FAM185A: variants seen among roughly 807,000 people sequenced by gnomAD.
FAM185A encodes the protein family with sequence similarity 185 member A.
FAM185A carries 21 observed loss-of-function variants against 45.7 expected under a neutral mutation model. The observed-to-expected ratio is 0.46, with a 90% CI of 0.33 to 0.66. The LOEUF is 0.66. FAM185A is among the 30% of genes least tolerant of loss of function. The pLI is 0.03. For synonymous variants in FAM185A, 117 were observed against 194.0 expected (o/e 0.60, Z 3.30); for missense variants, 305 against 485.4 (o/e 0.63, Z 3.49).
chr7:102,800,323 A>C (rs1257833621), intron 7 of FAM185A, among the ~76,000 whole-genome samples: 1 of 152,214 alleles, frequency 6.6e-6, no homozygotes, highest in Non-Finnish European at 1.5e-5. Context: ...TGGTTTTCTG[A>C]CAAAACAAGG....
At chr7:102,788,065 A>G (rs1345817883) in intron 7 of FAM185A, among the ~76,000 whole-genome samples, 2 of 152,082 alleles carry the variant, frequency 1.3e-5, no homozygotes, top group African/African-American at 2.4e-5. Context: ...CCCGGGTTCA[A>G]ACGATTCTGT....
At chr7:102,771,766 C>G (rs1161739576) in intron 4 of FAM185A, among the ~76,000 whole-genome samples, 1 of 152,096 alleles carries the variant, frequency 6.6e-6, no homozygotes, top group Non-Finnish European at 1.5e-5. Context: ...AAGAATAATC[C>G]TACTACTTTT....
chr7:102,815,157 T>C, the FAM185A span, among the ~76,000 whole-genome samples: 1 of 152,172 alleles, frequency 6.6e-6, no homozygotes, highest in African/African-American at 2.4e-5. Context: ...TTATCCATTT[T>C]TCAAAACTCC....
chr7:102,816,608 C>G, the FAM185A span, among the ~76,000 whole-genome samples: 6 of 152,140 alleles, frequency 3.9e-5, no homozygotes, highest in African/African-American at 1.4e-4. Context: ...TGTTTGCACA[C>G]ACGCACCTTT....
chr7:102,781,975 T>C (rs1050672142), intron 6 of FAM185A, among the ~76,000 whole-genome samples: 5 of 152,202 alleles, frequency 3.3e-5, no homozygotes, highest in Admixed American at 2.6e-4. Context: ...CTGATGGAGC[T>C]GAAAACCAAG....
intron 1 of FAM185A, among the ~76,000 whole-genome samples, chr7:102,750,395 TC>T (rs1441254332): frequency 6.6e-6 from 1 of 152,228 alleles, no homozygotes; most frequent in African/African-American, 2.4e-5. Context: ...TTTAAGATCA[TC>T]TTTTATAATG....
At chr7:102,848,922 C>T in the FAM185A span, among the ~76,000 whole-genome samples, 2 of 152,112 alleles carry the variant, frequency 1.3e-5, no homozygotes, top group Non-Finnish European at 2.9e-5. Flanking sequence ...ATCACTTGAA[C>T]CCAGGATGCG....
Position 102,761,353 on chromosome 7 carries a change from T to A in FAM185A, c.735T>A (p.Tyr245Ter). ...GTTTGCTGAAAGCCAAGTATCTTTA[T>A]ACAGAATCATCATTTCTGTCTTCTG... ...EDGLLKAKYL[Y>*]TESSFLSSAA... Residue 245 changes from tyrosine to a stop codon, truncating the protein, a stop_gained, in exon 4 of 8, where the codon TAT becomes TAA. Coordinates refer to ENST00000413034, the MANE Select transcript of FAM185A (RefSeq NM_001145268.2). LOFTEE classifies it high-confidence loss of function. 1.3e-6 allele frequency: 2 copies of A among 1,545,810 alleles called. No homozygotes were observed. The highest frequency in any genetic ancestry group is 1.7e-6 in the Non-Finnish European group (2 of 1,144,660).
the FAM185A span, chr7:102,826,943 T>C: frequency 3.6e-6 from 1 of 278,030 alleles, no homozygotes; most frequent in Non-Finnish European, 8.0e-6. Context: ...CTAAGAGCTC[T>C]ATCGTATTAT....
Position 102,787,515 on chromosome 7 carries a change from A to G in FAM185A, c.1066+46A>G, listed in dbSNP as rs1405009132. 1.5e-5 allele frequency: 20 copies of G among 1,367,402 alleles called. No individual in the cohort carries two copies. In the East Asian group the frequency reaches 5.1e-4, roughly 35 times the overall value. 84.7% of individuals were successfully genotyped at this position (1,367,402 alleles called of 1,614,324 possible). ...TCTGTCAGATGAATAGCCATTCTCC[A>G]TACATAAGTAGAAATGTGGTACACT... On this transcript the variant is annotated intron_variant, in intron 7 of 7. Transcript: ENST00000413034.
chr7:102,767,833 C>T (rs867481241), intron 4 of FAM185A, among the ~76,000 whole-genome samples: 2,230 of 147,828 alleles, frequency 0.015, 51 homozygotes, highest in African/African-American at 0.052. Flanking sequence ...TGTCCTCTTT[C>T]CTTGTTTTTA....
intron 5 of FAM185A, among the ~76,000 whole-genome samples, chr7:102,772,653 T>C (rs1794824682): frequency 6.6e-6 from 1 of 151,966 alleles, no homozygotes; most frequent in Non-Finnish European, 1.5e-5. Context: ...TGTCTTATAT[T>C]TCTTGCTAAA....
chr7:102,833,860 T>G, the FAM185A span, among the ~76,000 whole-genome samples: 1 of 151,978 alleles, frequency 6.6e-6, no homozygotes, highest in Non-Finnish European at 1.5e-5. Flanking sequence ...TAATTTTCAT[T>G]CCTACTTTTC....
chr7:102,776,877 T>A (rs1795105035), intron 5 of FAM185A, among the ~76,000 whole-genome samples: 1 of 151,894 alleles, frequency 6.6e-6, no homozygotes, highest in Admixed American at 6.6e-5. Flanking sequence ...GGTAGAATTC[T>A]TTGGTAATTA....
intron 7 of FAM185A, among the ~76,000 whole-genome samples, chr7:102,801,756 C>G (rs932461880): frequency 1.3e-5 from 2 of 152,052 alleles, no homozygotes; most frequent in African/African-American, 4.8e-5. Flanking sequence ...GAAACCCTGT[C>G]TCTACTAAAA....
intron 5 of FAM185A, 26 bp from the exon 6 acceptor site, chr7:102,777,227 T>TACTTATGG: frequency 6.5e-7 from 1 of 1,549,508 alleles, no homozygotes; most frequent in Middle Eastern, 1.7e-4. Flanking sequence ...AGAATTATTT[T>TACTTATGG]ACTTATGGTT....
the FAM185A span, among the ~76,000 whole-genome samples, chr7:102,829,873 G>T: frequency 2.0e-5 from 3 of 152,196 alleles, no homozygotes; most frequent in African/African-American, 7.2e-5. Flanking sequence ...ATGTTAGGTT[G>T]GACCACAGCC....
At chr7:102,760,110 T>C (rs1794021176) in intron 3 of FAM185A, among the ~76,000 whole-genome samples, 1 of 152,112 alleles carries the variant, frequency 6.6e-6, no homozygotes, top group Admixed American at 6.5e-5. Context: ...TTTCGTCTAT[T>C]TGGTGAATTG....
At chr7:102,756,165 C>T (rs543021029) in intron 2 of FAM185A, among the ~76,000 whole-genome samples, 2 of 151,704 alleles carry the variant, frequency 1.3e-5, no homozygotes, top group Non-Finnish European at 2.9e-5. Context: ...TTGCCCACGC[C>T]GGAGTGCAGT....
Sources: allele counts gnomAD v4.1 joint callset (sites outside exome capture counted in the v4.1 genomes callset), GRCh38; gene constraint gnomAD v4.1.1; transcripts MANE v1.5; gene names NCBI Gene and HGNC (gene_info 2026-07-23, HGNC 2026-07-21).